The following CLIP4 variants were observed in gnomAD, a reference collection of about 807,000 sequenced individuals.
CLIP4 encodes CAP-Gly domain containing linker protein family member 4, also known as CAP-Gly domain-containing linker protein 4.
Under a neutral mutation model 73.1 loss-of-function variants are expected in CLIP4, and 47 were observed. That is an observed-to-expected ratio of 0.64 (90% CI 0.51 to 0.82). The LOEUF (loss-of-function observed/expected upper bound fraction) is 0.82. Among genes scored for constraint, CLIP4 ranks in the 40% least tolerant of loss-of-function variants. The probability of loss-of-function intolerance (pLI) is 0.00; values close to 1 mark genes in which losing one functional copy is unlikely to be tolerated. For missense variants in CLIP4, 874 were observed against 852.9 expected, an observed-to-expected ratio of 1.02 and a Z score of -0.31; for synonymous variants, 306 against 295.4, an observed-to-expected ratio of 1.04 and a Z score of -0.37.
At position 29,181,987 on chromosome 2, in the gene CLIP4, T is replaced by G; in HGVS notation, c.*94T>G. The G allele has an allele frequency of 1.8e-6, 2 of 1,086,006 alleles. No individual in the cohort carries two copies. The highest frequency in any genetic ancestry group is 2.6e-6 in the Non-Finnish European group (2 of 775,192). The allele number at this position is 1,086,006 out of a possible 1,614,324, so 67.3% of individuals were successfully genotyped here. On this transcript the variant is annotated 3_prime_UTR_variant, in exon 16 of 16. Transcript: ENST00000320081. ...TTACTTTATTTAGCCATATTAAAAT[T>G]TTGAAAATATAGTTATCTTCTTAAA...
chr2:29,129,902 C>A, intron 2 of CLIP4: 2 of 430,914 alleles, frequency 4.6e-6, no homozygotes, highest in Non-Finnish European at 9.9e-6. Flanking sequence ...GATTCTGATC[C>A]ACAGTGTTTT....
rs923625371 is a variant in CLIP4, at chr2:29,142,981, A to G, written c.649-728A>G. 2.0e-5 allele frequency among the ~76,000 whole-genome samples: 3 copies of G among 152,210 alleles called. No homozygotes were observed. The East Asian group carries it at 5.8e-4, about 29-fold the overall frequency. On this transcript the variant is annotated intron_variant, in intron 6 of 15. Coordinates refer to ENST00000320081, the MANE Select transcript of CLIP4 (RefSeq NM_024692.6). ...AATCCCAGGATACAGTCTTTCTGTC[A>G]TAGTGAAAACAGAGCTTTTTTCTTG...
At chr2:29,136,280 T>C (rs981521081) in intron 6 of CLIP4, among the ~76,000 whole-genome samples, 1 of 152,086 alleles carries the variant, frequency 6.6e-6, no homozygotes, top group Non-Finnish European at 1.5e-5. Context: ...TGTTATACTT[T>C]CCCTTGAAGG....
chr2:29,158,983 G>A (rs6754415), intron 11 of CLIP4, among the ~76,000 whole-genome samples: 58,727 of 152,020 alleles, frequency 0.39, 12,049 homozygotes, highest in East Asian at 0.75. Context: ...GTCTACAGGC[G>A]ACAAGGGGAC....
intron 1 of CLIP4, among the ~76,000 whole-genome samples, chr2:29,117,138 A>C (rs1663910673): frequency 6.6e-6 from 1 of 152,014 alleles, no homozygotes; most frequent in Non-Finnish European, 1.5e-5. Flanking sequence ...TTGTTTTCTC[A>C]TCTGGAGAGT....
At chr2:29,168,640 A>G (rs950842156) in intron 14 of CLIP4, among the ~76,000 whole-genome samples, 1 of 144,284 alleles carries the variant, frequency 6.9e-6, no homozygotes, top group East Asian at 2.0e-4. Flanking sequence ...CTCCTGCCTC[A>G]GCCTCCCAAG....
At chr2:29,101,276 T>A (rs962694083) in intron 1 of CLIP4, among the ~76,000 whole-genome samples, 6 of 122,910 alleles carry the variant, frequency 4.9e-5, no homozygotes, top group Admixed American at 1.6e-4. Flanking sequence ...GGCAACAGGC[T>A]TTTTTTTTTT....
intron 15 of CLIP4, among the ~76,000 whole-genome samples, chr2:29,180,409 G>C (rs542400763): frequency 6.6e-6 from 1 of 152,274 alleles, no homozygotes; most frequent in South Asian, 2.1e-4. Context: ...TGGTGGTGGT[G>C]AGTGCTAGGA....
intron 9 of CLIP4, among the ~76,000 whole-genome samples, chr2:29,153,270 A>G (rs541756690): frequency 1.2e-4 from 19 of 152,202 alleles, no homozygotes; most frequent in African/African-American, 3.9e-4. Context: ...TGGAAGTTCT[A>G]TGGAAGAACT....
intron 8 of CLIP4, among the ~76,000 whole-genome samples, chr2:29,150,091 G>A (rs1037464844): frequency 2.0e-5 from 3 of 152,130 alleles, no homozygotes; most frequent in Non-Finnish European, 4.4e-5. Flanking sequence ...CATAATAAAG[G>A]GAGAAGAGAA....
chr2:29,098,561 G>T (rs144270254), intron 1 of CLIP4, among the ~76,000 whole-genome samples: 24 of 152,290 alleles, frequency 1.6e-4, no homozygotes, highest in African/African-American at 5.3e-4. Flanking sequence ...TTGTATCACT[G>T]AATAATATTC....
Position 29,115,836 on chromosome 2 carries a change from GT to G in CLIP4, c.-16+172del, listed in dbSNP as rs930378789. Among the ~76,000 whole-genome samples, 2 of 151,794 alleles carry G rather than the reference GT, an allele frequency of 1.3e-5. No homozygotes were observed. The highest frequency in any genetic ancestry group is 2.4e-5 in the African/African-American group (1 of 41,390). ...GCGGCCGCCTCCCGTGGGCACCGGT[GT>G]CGCTGGCCGCGGGGAGGCCTTCTCG... On this transcript the variant is annotated intron_variant, in intron 1 of 15. Coordinates refer to ENST00000320081, the MANE Select transcript of CLIP4 (RefSeq NM_024692.6). The surrounding 1 kb of genome is among the most constrained non-coding windows in gnomAD (Gnocchi z 5.1).
At chr2:29,147,405 T>G (rs1370640790) in intron 8 of CLIP4, among the ~76,000 whole-genome samples, 1 of 152,178 alleles carries the variant, frequency 6.6e-6, no homozygotes, top group African/African-American at 2.4e-5. Context: ...GTCATTTGCC[T>G]TTGAACCTCA....
At chr2:29,116,657 T>C (rs149547272) in intron 1 of CLIP4, among the ~76,000 whole-genome samples, 9 of 152,358 alleles carry the variant, frequency 5.9e-5, no homozygotes, top group East Asian at 1.9e-4. Context: ...TCTGCGTTTT[T>C]ATGTTGGAGA....
chr2:29,143,083 G>A (rs1267398869), intron 6 of CLIP4, among the ~76,000 whole-genome samples: 1 of 152,220 alleles, frequency 6.6e-6, no homozygotes, highest in Non-Finnish European at 1.5e-5. Context: ...GAATGGGCAG[G>A]GGGCTGAGGT....
At chr2:29,167,210 G>A (rs960748715) in intron 13 of CLIP4, among the ~76,000 whole-genome samples, 4 of 152,056 alleles carry the variant, frequency 2.6e-5, no homozygotes, top group African/African-American at 9.7e-5. Context: ...TGAAGATGAG[G>A]TTACAAAGAA....
intron 1 of CLIP4, among the ~76,000 whole-genome samples, chr2:29,105,752 C>A (rs190802376): frequency 1.8e-4 from 28 of 152,302 alleles, no homozygotes; most frequent in Admixed American, 1.1e-3. Context: ...ATAAAAGAGA[C>A]CTCAGAGAGC....
chr2:29,158,455 G>A (rs1667079848), intron 11 of CLIP4, among the ~76,000 whole-genome samples: 2 of 151,566 alleles, frequency 1.3e-5, no homozygotes, highest in Admixed American at 1.3e-4. Flanking sequence ...GGGTTATGTC[G>A]ACTTAAACAA....
At chr2:29,163,780 G>C (rs10200936) in intron 12 of CLIP4, 51 bp from the exon 13 acceptor site, 751,698 of 1,542,558 alleles carry the variant, frequency 0.49, 191,473 homozygotes, top group East Asian at 0.88. Context: ...AGTAGCATAA[G>C]AGTTTTGGAT....
Sources: allele counts gnomAD v4.1 joint callset (sites outside exome capture counted in the v4.1 genomes callset), GRCh38; gene constraint gnomAD v4.1.1; non-coding constraint Gnocchi (gnomAD v3.1); transcripts MANE v1.5; gene names NCBI Gene and HGNC (gene_info 2026-07-23, HGNC 2026-07-21).